Variants in PHC3 observed in about 807,000 individuals in gnomAD.
PHC3 encodes polyhomeotic-like protein 3.
PHC3 carries 13 observed loss-of-function variants against 107.4 expected under a neutral mutation model. That is an observed-to-expected ratio of 0.12 (90% CI 0.08 to 0.19). The LOEUF (loss-of-function observed/expected upper bound fraction) is 0.19. Among genes scored for constraint, PHC3 ranks in the 10% least tolerant of loss-of-function variants. The pLI is 1.00. For missense variants in PHC3, 992 were observed against 1,210.9 expected, an observed-to-expected ratio of 0.82 and a Z score of 2.68; for synonymous variants, 456 against 427.4, an observed-to-expected ratio of 1.07 and a Z score of -0.83.
intron 4 of PHC3, among the ~76,000 whole-genome samples, chr3:170,153,139 A>G (rs1726295556): frequency 6.6e-6 from 1 of 152,212 alleles, no homozygotes; most frequent in Non-Finnish European, 1.5e-5. Flanking sequence ...ATGTTCAAAC[A>G]GCAAACTAAT....
At chr3:170,163,461 AGT>A (rs56986650) in intron 4 of PHC3, among the ~76,000 whole-genome samples, 22,120 of 146,028 alleles carry the variant, frequency 0.15, 1,675 homozygotes, top group East Asian at 0.24. Context: ...TTTAGTAAAG[AGT>A]GTGTGTGTGT....
intron 4 of PHC3, among the ~76,000 whole-genome samples, chr3:170,169,447 T>C (rs943415748): frequency 4.6e-5 from 7 of 152,242 alleles, no homozygotes; most frequent in Non-Finnish European, 8.8e-5. Flanking sequence ...ACCTTGGGCA[T>C]TGTAATTTTT....
At chr3:170,102,297 CCA>C in intron 14 of PHC3, 180 bp downstream of exon 14, 1 of 985,290 alleles carries the variant, frequency 1.0e-6, no homozygotes, top group Non-Finnish European at 1.2e-6. Context: ...GAGAAAATAC[CCA>C]GTAGTGCTGA....
At chr3:170,180,177 C>T (rs1731154069) in intron 1 of PHC3, among the ~76,000 whole-genome samples, 1 of 150,432 alleles carries the variant, frequency 6.6e-6, no homozygotes. Context: ...AAAGTGGGGG[C>T]CTTGAGTGGC....
intron 10 of PHC3, among the ~76,000 whole-genome samples, chr3:170,115,317 G>T (rs1718689338): frequency 6.7e-6 from 1 of 148,760 alleles, no homozygotes; most frequent in South Asian, 2.1e-4. Context: ...TTTCCTCAGT[G>T]AAAGGAGAAC....
chr3:170,123,528 G>A (rs1418410437), intron 8 of PHC3, among the ~76,000 whole-genome samples: 1 of 152,052 alleles, frequency 6.6e-6, no homozygotes, highest in Non-Finnish European at 1.5e-5. Flanking sequence ...AGTGGCTCGT[G>A]CCTGCAATCC....
intron 4 of PHC3, among the ~76,000 whole-genome samples, chr3:170,163,092 T>C (rs1728156062): frequency 6.6e-6 from 1 of 152,146 alleles, no homozygotes; most frequent in Admixed American, 6.5e-5. Flanking sequence ...GGAAAGAGAT[T>C]TGTTTGTTGT....
At chr3:170,176,319 A>G (rs770527720) in intron 2 of PHC3, among the ~76,000 whole-genome samples, 1 of 152,142 alleles carries the variant, frequency 6.6e-6, no homozygotes, top group Non-Finnish European at 1.5e-5. Flanking sequence ...TCTGCATTCA[A>G]GTTTGAATTT....
At chr3:170,098,459 T>G (rs1460309126) in intron 14 of PHC3, among the ~76,000 whole-genome samples, 1 of 152,176 alleles carries the variant, frequency 6.6e-6, no homozygotes, top group African/African-American at 2.4e-5. Flanking sequence ...TGCCACAATT[T>G]TGCTAGTTCA....
intron 10 of PHC3, among the ~76,000 whole-genome samples, chr3:170,115,152 T>C (rs73030647): frequency 6.6e-6 from 1 of 152,268 alleles, no homozygotes; most frequent in African/African-American, 2.4e-5. Flanking sequence ...TATATATAGA[T>C]ATTCCTTTCA....
At chr3:170,107,624 A>G (rs1716819320) in intron 11 of PHC3, among the ~76,000 whole-genome samples, 1 of 152,216 alleles carries the variant, frequency 6.6e-6, no homozygotes, top group Admixed American at 6.6e-5. Flanking sequence ...AAAGATGCAT[A>G]TATCTAATTA....
intron 7 of PHC3, among the ~76,000 whole-genome samples, chr3:170,133,736 C>A (rs1722619561): frequency 6.6e-6 from 1 of 152,114 alleles, no homozygotes. Flanking sequence ...TCCATACTTA[C>A]ACAAGATATT....
chr3:170,106,533 C>T (rs1455527503), intron 12 of PHC3, among the ~76,000 whole-genome samples: 1 of 151,948 alleles, frequency 6.6e-6, no homozygotes, highest in African/African-American at 2.4e-5. Context: ...AAGGGATTCT[C>T]CTAAATATAT....
At chr3:170,137,604 C>T (rs1314175181) in intron 6 of PHC3, among the ~76,000 whole-genome samples, 1 of 152,260 alleles carries the variant, frequency 6.6e-6, no homozygotes, top group African/African-American at 2.4e-5. Flanking sequence ...ATGTGTGTTC[C>T]GTCTCTACAT....
In PHC3 at chr3:170,106,802, C is replaced by T. The variant is rs747264519; in HGVS notation, c.2468+30G>A. 1.1e-5 allele frequency: 17 copies of T among 1,548,098 alleles called. No homozygotes were observed. In the South Asian group the frequency reaches 1.6e-4, roughly 15 times the overall value. On this transcript the variant is annotated intron_variant, in intron 12 of 14. Coordinates refer to ENST00000495893, the MANE Select transcript of PHC3 (RefSeq NM_024947.4). ...TTAGTTGCAATGGCTATTTATCTGT[C>T]CTTTGGGAAATTCAAGAGCACAGAA...
intron 4 of PHC3, among the ~76,000 whole-genome samples, chr3:170,168,326 C>T (rs941083383): frequency 6.6e-6 from 1 of 152,034 alleles, no homozygotes; most frequent in African/African-American, 2.4e-5. Context: ...TTGCTTATGC[C>T]GTTTTTTGGC....
At chr3:170,129,675 T>A in intron 7 of PHC3, 123 bp from the exon 8 acceptor site, 1 of 1,069,626 alleles carries the variant, frequency 9.3e-7, no homozygotes, top group Non-Finnish European at 1.3e-6. Flanking sequence ...TTACAAGTTT[T>A]CCAAACAAGA....
At chr3:170,134,972 G>A (rs1722831297) in intron 7 of PHC3, among the ~76,000 whole-genome samples, 2 of 152,168 alleles carry the variant, frequency 1.3e-5, no homozygotes, top group South Asian at 4.1e-4. Context: ...GTGATGTAGA[G>A]AATGCTGGCA....
chr3:170,169,188 C>G (rs1367541948), intron 4 of PHC3, among the ~76,000 whole-genome samples: 1 of 152,082 alleles, frequency 6.6e-6, no homozygotes, highest in Non-Finnish European at 1.5e-5. Context: ...AATAATATTC[C>G]ATTTCCCCAT....
Sources: allele counts gnomAD v4.1 joint callset (sites outside exome capture counted in the v4.1 genomes callset), GRCh38; gene constraint gnomAD v4.1.1; transcripts MANE v1.5; gene names NCBI Gene and HGNC (gene_info 2026-07-23, HGNC 2026-07-21).